ZFAND3: variants seen among roughly 807,000 people sequenced by gnomAD.
ZFAND3 encodes the protein zinc finger AN1-type containing 3.
In ZFAND3, 10 loss-of-function variants were observed where a neutral mutation model predicts 29.6. The observed-to-expected ratio is 0.34, with a 90% confidence interval of 0.21 to 0.57. The LOEUF is 0.57. Among genes scored for constraint, ZFAND3 ranks in the 20% least tolerant of loss-of-function variants. ZFAND3 has a pLI of 0.86. For synonymous variants in ZFAND3, 128 were observed against 112.6 expected (o/e 1.14, Z -0.87); for missense variants, 230 against 304.5 (o/e 0.76, Z 1.82).
intron 4 of ZFAND3, among the ~76,000 whole-genome samples, chr6:38,087,832 G>A (rs1764787761): frequency 6.6e-6 from 1 of 152,172 alleles, no homozygotes; most frequent in South Asian, 2.1e-4. Context: ...CCACTGCTGG[G>A]TACATAGCCA....
intron 4 of ZFAND3, among the ~76,000 whole-genome samples, chr6:38,090,661 G>A (rs1218674755): frequency 6.6e-6 from 1 of 152,154 alleles, no homozygotes; most frequent in African/African-American, 2.4e-5. Flanking sequence ...TGGATGACTG[G>A]GAAAGGGAAA....
chr6:37,916,934 TC>T (rs1761270207), intron 1 of ZFAND3, among the ~76,000 whole-genome samples: 2 of 152,362 alleles, frequency 1.3e-5, no homozygotes, highest in Admixed American at 1.3e-4. Flanking sequence ...TTAGTAGCTG[TC>T]CTGGTGATCA....
rs193235357 is a variant in ZFAND3 at position 37,952,418 on chromosome 6, G to C, written c.112+22419G>C. 1.7e-3 allele frequency among the ~76,000 whole-genome samples: 265 copies of C among 151,982 alleles called. 2 individuals carry two copies. The highest frequency in any genetic ancestry group is 1.0e-3 in the Non-Finnish European group (71 of 67,968). The stretch of plus-strand genomic sequence containing the variant: ...CTGCTTAGGATTTCAATTTCTTCCT[G>C]GTTCAATCTTGGGAGGTTTTATGTT... On this transcript the variant is annotated intron_variant, in intron 2 of 5. Coordinates refer to ENST00000287218, the MANE Select transcript of ZFAND3 (RefSeq NM_021943.3).
chr6:38,074,759 T>C (rs1324301034), intron 3 of ZFAND3, among the ~76,000 whole-genome samples: 1 of 152,200 alleles, frequency 6.6e-6, no homozygotes, highest in African/African-American at 2.4e-5. Context: ...GGAGGAAAAG[T>C]CAGTCCCTGG....
At position 38,001,887 on chromosome 6, in the gene ZFAND3, T is replaced by A. The variant is rs555212222; in HGVS notation, c.113-59706T>A. On this transcript the variant is annotated intron_variant, in intron 2 of 5. Coordinates refer to ENST00000287218, the MANE Select transcript of ZFAND3 (RefSeq NM_021943.3). The stretch of plus-strand genomic sequence containing the variant: ...GAATTGAGTTATGGCTGTTGGTCTG[T>A]TATCTTTTCTTTTTGTCTTTTAGTC... 1.3e-3 allele frequency among the ~76,000 whole-genome samples: 202 copies of A among 152,314 alleles called. 1 individual carries two copies. Among genetic ancestry groups the A allele is most frequent in the African/African-American group, 4.7e-3 (196 of 41,566 alleles).
chr6:38,117,626 G>C (rs1159262783), intron 5 of ZFAND3, among the ~76,000 whole-genome samples: 1 of 152,204 alleles, frequency 6.6e-6, no homozygotes, highest in East Asian at 1.9e-4. Flanking sequence ...TCATCAGGTT[G>C]ACTTTGAGAC....
intron 2 of ZFAND3, chr6:38,003,740 A>C (rs1250874524): frequency 2.3e-6 from 1 of 434,142 alleles, no homozygotes; most frequent in African/African-American, 2.1e-5. Flanking sequence ...TCCTGAGCTC[A>C]AGTGATCCAC....
intron 5 of ZFAND3, among the ~76,000 whole-genome samples, chr6:38,136,433 T>C (rs1765843133): frequency 6.6e-6 from 1 of 152,212 alleles, no homozygotes; most frequent in Admixed American, 6.5e-5. Flanking sequence ...GCCTGACTGC[T>C]GTCTTCCATA....
intron 1 of ZFAND3, among the ~76,000 whole-genome samples, chr6:37,823,400 G>A (rs1763701797): frequency 6.6e-6 from 1 of 152,232 alleles, no homozygotes; most frequent in African/African-American, 2.4e-5. Flanking sequence ...CCTCTCAGCA[G>A]AATGTTTTGG....
At chr6:38,036,933 G>C (rs1219275823) in intron 2 of ZFAND3, among the ~76,000 whole-genome samples, 1 of 151,994 alleles carries the variant, frequency 6.6e-6, no homozygotes, top group Non-Finnish European at 1.5e-5. Context: ...TATTTTAAAA[G>C]GTAAACCATC....
intron 2 of ZFAND3, among the ~76,000 whole-genome samples, chr6:38,023,332 A>G (rs572481887): frequency 3.3e-5 from 5 of 152,348 alleles, no homozygotes; most frequent in Admixed American, 2.6e-4. Context: ...ATTATTCCCA[A>G]CAGCTTAGCA....
chr6:37,954,585 A>AGG lies in ZFAND3; in HGVS notation c.112+24586_112+24587insGG, dbSNP rs78075264. Among the ~76,000 whole-genome samples, 2,585 of 152,094 alleles carry AGG rather than the reference A, an allele frequency of 0.017. 253 individuals are homozygous for AGG. In the East Asian group the frequency reaches 0.28, roughly 16 times the overall value. ...AGAATATAGTTATTCCGTATGTTTT[A>AGG]ATGTTTGTATCTACCAATTATCTGT... On this transcript the variant is annotated intron_variant, in intron 2 of 5. Coordinates refer to ENST00000287218, the MANE Select transcript of ZFAND3 (RefSeq NM_021943.3).
intron 1 of ZFAND3, among the ~76,000 whole-genome samples, chr6:37,864,591 G>T (rs1181892286): frequency 6.6e-6 from 1 of 152,126 alleles, no homozygotes; most frequent in East Asian, 1.9e-4. Context: ...AACATGATGA[G>T]AAATGTTTAG....
At chr6:37,948,120 G>A (rs1372194414) in intron 2 of ZFAND3, among the ~76,000 whole-genome samples, 3 of 152,124 alleles carry the variant, frequency 2.0e-5, no homozygotes, top group Non-Finnish European at 4.4e-5. Context: ...AGGTCAGGTT[G>A]GTTGACAGTG....
At chr6:38,138,604 A>G (rs963561688) in intron 5 of ZFAND3, among the ~76,000 whole-genome samples, 2 of 152,218 alleles carry the variant, frequency 1.3e-5, no homozygotes, top group African/African-American at 4.8e-5. Context: ...TTCCTGCCAC[A>G]GGACATTTGC....
chr6:38,093,988 A>G (rs1229574720), intron 4 of ZFAND3, among the ~76,000 whole-genome samples: 3 of 152,210 alleles, frequency 2.0e-5, no homozygotes, highest in Non-Finnish European at 4.4e-5. Context: ...AGCAAGACTC[A>G]GCAGAGGCAG....
Position 38,144,195 on chromosome 6 carries a change from AT to A in ZFAND3, c.530-8039del, listed in dbSNP as rs1443926382. Among the ~76,000 whole-genome samples the A allele has an allele frequency of 5.2e-3, 148 of 28,542 alleles. 5 individuals are homozygous for A. Among genetic ancestry groups the A allele is most frequent in the African/African-American group, 0.024 (135 of 5,682 alleles). The allele number at this position is 28,542 out of a possible 152,430, so 18.7% of individuals were successfully genotyped here. A position where few individuals can be genotyped will look rare whatever the true frequency, so the allele number is the denominator to read the frequency against. ...TGATATATATATATAATATATATAT[AT>A]ATATATATATATATAATATATAATA... On this transcript the variant is annotated intron_variant, in intron 5 of 5. Coordinates refer to ENST00000287218, the MANE Select transcript of ZFAND3 (RefSeq NM_021943.3).
chr6:37,881,000 T>A (rs1764884033), intron 1 of ZFAND3, among the ~76,000 whole-genome samples: 1 of 132,670 alleles, frequency 7.5e-6, no homozygotes, highest in African/African-American at 3.5e-5. Flanking sequence ...ACCCTAAAAC[T>A]TAGAGTATAA....
chr6:38,034,353 A>G (rs544372511), intron 2 of ZFAND3, among the ~76,000 whole-genome samples: 1 of 152,290 alleles, frequency 6.6e-6, no homozygotes, highest in Admixed American at 6.5e-5. Flanking sequence ...GGCCTAATAT[A>G]CTGTTGCTAA....
Sources: allele counts gnomAD v4.1 joint callset (sites outside exome capture counted in the v4.1 genomes callset), GRCh38; gene constraint gnomAD v4.1.1; transcripts MANE v1.5; gene names NCBI Gene and HGNC (gene_info 2026-07-23, HGNC 2026-07-21).